BTRC: variants seen among roughly 807,000 people sequenced by gnomAD.
The protein encoded by BTRC is beta-transducin repeat containing E3 ubiquitin protein ligase, also known as F-box/WD repeat-containing protein 1A.
A neutral mutation model predicts 85.5 loss-of-function variants in BTRC; 42 were observed. The ratio of observed to expected loss-of-function variants is 0.49; its 90% CI spans 0.38 to 0.64. The LOEUF (loss-of-function observed/expected upper bound fraction) is 0.64, where lower values mean the gene tolerates loss of function less well. Ranked by LOEUF, BTRC falls within the 30% of genes least tolerant of loss-of-function variation. The pLI is 0.00. For missense variants in BTRC, 594 were observed against 743.5 expected, an observed-to-expected ratio of 0.80 and a Z score of 2.34; for synonymous variants, 255 against 263.3, an observed-to-expected ratio of 0.97 and a Z score of 0.30.
intron 1 of BTRC, among the ~76,000 whole-genome samples, chr10:101,368,232 C>A (rs1299280375): frequency 1.3e-5 from 2 of 152,176 alleles, no homozygotes; most frequent in African/African-American, 4.8e-5. Flanking sequence ...CTTTTGGTTT[C>A]TCTCTTGGCG....
chr10:101,412,319 G>T (rs1943802204), intron 1 of BTRC, among the ~76,000 whole-genome samples: 1 of 152,150 alleles, frequency 6.6e-6, no homozygotes, highest in African/African-American at 2.4e-5. Flanking sequence ...TACTCTGTTT[G>T]AGTTCCCCTT....
chr10:101,472,024 C>G (rs1216889042), intron 3 of BTRC, among the ~76,000 whole-genome samples: 1 of 152,120 alleles, frequency 6.6e-6, no homozygotes, highest in Non-Finnish European at 1.5e-5. Flanking sequence ...CTGGTCAGTC[C>G]TGGAGTCAAC....
rs1453144567 is a variant in BTRC at position 101,554,768 on chromosome 10, C to T, written c.*1645C>T. 2.0e-5 allele frequency: 3 copies of T among 152,592 alleles called. No individual in the cohort carries two copies. The highest frequency in any genetic ancestry group is 1.9e-4 in the East Asian group (1 of 5,188). 9.5% of individuals were successfully genotyped at this position (152,592 alleles called of 1,614,324 possible). ...CTGTGTGAGCTGCCAAGCTAGTGGG[C>T]TTCAGGTGCAAGGGTACCTGTGCCA... On this transcript the variant is annotated 3_prime_UTR_variant, in exon 15 of 15. Transcript: ENST00000370187.
chr10:101,517,754 T>A (rs1185729612), intron 4 of BTRC, among the ~76,000 whole-genome samples: 2 of 152,306 alleles, frequency 1.3e-5, no homozygotes, highest in East Asian at 3.9e-4. Flanking sequence ...TGATTTTGTC[T>A]CCTTTTTTCT....
At chr10:101,384,211 CAT>C (rs1943009377) in intron 1 of BTRC, among the ~76,000 whole-genome samples, 1 of 152,174 alleles carries the variant, frequency 6.6e-6, no homozygotes. Flanking sequence ...TTTGTTACGT[CAT>C]AGAGATTATT....
chr10:101,505,358 G>T (rs1190989896), intron 4 of BTRC, among the ~76,000 whole-genome samples: 1 of 149,822 alleles, frequency 6.7e-6, no homozygotes, highest in African/African-American at 2.4e-5. Context: ...GGTGGCTTAC[G>T]CCTGTAATCC....
chr10:101,465,118 T>G (rs1276397495), intron 3 of BTRC, among the ~76,000 whole-genome samples: 6 of 152,282 alleles, frequency 3.9e-5, no homozygotes, highest in African/African-American at 1.4e-4. Flanking sequence ...TTGTTTTGTT[T>G]TGTTTTTCCT....
intron 4 of BTRC, among the ~76,000 whole-genome samples, chr10:101,516,718 GT>G (rs2062029268): frequency 6.6e-6 from 1 of 152,144 alleles, no homozygotes; most frequent in Admixed American, 6.5e-5. Flanking sequence ...TCCTTAGGCA[GT>G]TTTACCTAAC....
intron 3 of BTRC, 54 bp downstream of exon 3, chr10:101,462,112 ACAGG>A: frequency 7.9e-7 from 1 of 1,265,008 alleles, no homozygotes; most frequent in Non-Finnish European, 1.1e-6. Flanking sequence ...AAAACAAAAG[ACAGG>A]AGGAAACCCT....
intron 1 of BTRC, among the ~76,000 whole-genome samples, chr10:101,362,452 A>G (rs1231536058): frequency 6.7e-6 from 1 of 150,312 alleles, no homozygotes; most frequent in Non-Finnish European, 1.5e-5. Context: ...TTGGGGTGCA[A>G]TGGCACAATC....
chr10:101,515,329 G>A (rs994685726), intron 4 of BTRC, among the ~76,000 whole-genome samples: 13 of 151,862 alleles, frequency 8.6e-5, no homozygotes, highest in Admixed American at 2.6e-4. Flanking sequence ...TAGAATCAGC[G>A]AGTTAATTTG....
chr10:101,532,349 C>T lies in BTRC; in HGVS notation c.895C>T (p.Arg299Ter), dbSNP rs1350562943. 4 of 1,612,960 alleles carry T rather than the reference C, an allele frequency of 2.5e-6. No individual in the cohort carries two copies. The highest frequency in any genetic ancestry group is 3.4e-6 in the Non-Finnish European group (4 of 1,179,574). Residue 299 changes from arginine (R) to a stop codon, truncating the protein, a stop_gained, in exon 8 of 15, where the codon CGA becomes TGA. Transcript: ENST00000370187. LOFTEE classifies it high-confidence loss of function. ...GRHSLQRIHC[R>*]SETSKGVYCL... ...ACATAGTTTACAGAGAATTCACTGCCGAAGTGAAACAAGCAAAGGAGTTTA... is the reference window on the plus strand; with the variant it reads ...ACATAGTTTACAGAGAATTCACTGCTGAAGTGAAACAAGCAAAGGAGTTTA...
At chr10:101,535,505 C>A in intron 11 of BTRC, 33 bp downstream of exon 11, 2 of 1,367,992 alleles carry the variant, frequency 1.5e-6, no homozygotes, top group South Asian at 1.2e-5. Context: ...CATAAGGGAT[C>A]AATATTATGC....
intron 2 of BTRC, among the ~76,000 whole-genome samples, chr10:101,433,429 C>CA (rs1944450615): frequency 6.6e-6 from 1 of 151,984 alleles, no homozygotes; most frequent in Admixed American, 6.6e-5. Context: ...ATCAGGTAAT[C>CA]AATGTTTAAG....
chr10:101,366,779 TATATATA>T lies in BTRC; in HGVS notation c.48+12552_48+12558del, dbSNP rs768117955. 1.8e-3 allele frequency among the ~76,000 whole-genome samples: 201 copies of T among 109,864 alleles called. 3 individuals are homozygous for T. Among genetic ancestry groups the T allele is most frequent in the Non-Finnish European group, 2.7e-3 (150 of 56,514 alleles). The allele number at this position is 109,864 out of a possible 152,430, so 72.1% of individuals were successfully genotyped here. A position where few individuals can be genotyped will look rare whatever the true frequency, so the allele number is the denominator to read the frequency against. On this transcript the variant is annotated intron_variant, in intron 1 of 14. Coordinates refer to ENST00000370187, the MANE Select transcript of BTRC (RefSeq NM_033637.4). ...GACTTAATCTAGTTATATATATATA[TATATATA>T]TATTTTTACATTTATATATATATTT...
At chr10:101,462,825 A>G (rs1945264719) in intron 3 of BTRC, among the ~76,000 whole-genome samples, 1 of 152,132 alleles carries the variant, frequency 6.6e-6, no homozygotes, top group Non-Finnish European at 1.5e-5. Context: ...TGATGTTGCC[A>G]GAGAATAAGT....
intron 2 of BTRC, among the ~76,000 whole-genome samples, chr10:101,441,954 A>G (rs934293627): frequency 3.3e-5 from 5 of 152,038 alleles, no homozygotes; most frequent in Admixed American, 2.0e-4. Context: ...CACAATTTAA[A>G]TAATGTAATT....
chr10:101,382,008 C>T lies in BTRC; in HGVS notation c.48+27780C>T, dbSNP rs10883632. Among the ~76,000 whole-genome samples the T allele has an allele frequency of 3.2e-5, 3 of 93,796 alleles. No homozygotes were observed. The South Asian group carries it at 1.2e-3, about 36-fold the overall frequency. 61.5% of individuals were successfully genotyped at this position (93,796 alleles called of 152,430 possible). ...TTTTTTTTTTTTTTTTTTGAGATGG[C>T]GTCTTGCTCTGTTGCCTAGGCTGGA... On this transcript the variant is annotated intron_variant, in intron 1 of 14. Coordinates refer to ENST00000370187, the MANE Select transcript of BTRC (RefSeq NM_033637.4).
intron 2 of BTRC, among the ~76,000 whole-genome samples, chr10:101,433,836 TGGC>T (rs1057187942): frequency 2.0e-5 from 3 of 152,144 alleles, no homozygotes; most frequent in Non-Finnish European, 2.9e-5. Context: ...AGAGAGATGA[TGGC>T]AGCTTGGTTT....
Sources: allele counts gnomAD v4.1 joint callset (sites outside exome capture counted in the v4.1 genomes callset), GRCh38; gene constraint gnomAD v4.1.1; transcripts MANE v1.5; gene names NCBI Gene and HGNC (gene_info 2026-07-23, HGNC 2026-07-21).